CLEC12A: variants seen among roughly 807,000 people sequenced by gnomAD.
The protein encoded by CLEC12A is C-type lectin protein CLL-1.
A neutral mutation model predicts 26.5 loss-of-function variants in CLEC12A; 22 were observed. The ratio of observed to expected loss-of-function variants is 0.83; its 90% CI spans 0.59 to 1.19. The LOEUF is 1.19. Among genes scored for constraint, CLEC12A ranks in the 50% most tolerant of loss-of-function variants. The pLI, the probability that CLEC12A is intolerant of heterozygous loss-of-function variation, is 0.00. For synonymous variants in CLEC12A, 119 were observed against 101.9 expected, an observed-to-expected ratio of 1.17 and a Z score of -1.01; for missense variants, 353 against 315.6, an observed-to-expected ratio of 1.12 and a Z score of -0.90.
At position 9,971,623 on chromosome 12, in the gene CLEC12A, T is replaced by G. The variant is rs138435606; in HGVS notation, c.27T>G (p.Asp9Glu). Residue 9 changes from aspartate to glutamate, a missense_variant, in exon 1 of 6, where the codon GAT becomes GAG. Coordinates refer to ENST00000304361, the MANE Select transcript of CLEC12A (RefSeq NM_138337.6). Reference sequence around the variant, plus strand: ...TGTCTGAAGAAGTTACTTATGCAGATCTTCAATTCCAGAACTCCAGTGAGA... The same window carrying G: ...TGTCTGAAGAAGTTACTTATGCAGAGCTTCAATTCCAGAACTCCAGTGAGA... MSEEVTYA[D>E]LQFQNSSEME... 178 of 1,609,652 alleles carry G rather than the reference T, an allele frequency of 1.1e-4. No individual in the cohort carries two copies. The African/African-American group carries it at 2.1e-3, about 19-fold the overall frequency.
chr12:9,957,502 A>C (rs1350835049), intron 1 of CLEC12A, among the ~76,000 whole-genome samples: 9 of 151,908 alleles, frequency 5.9e-5, no homozygotes, highest in Admixed American at 4.6e-4. Context: ...AAAAAAAAAA[A>C]AACAAAAAAA....
At chr12:9,953,181 TGG>T (rs562338874) in intron 1 of CLEC12A, 2 of 82,164 alleles carry the variant, frequency 2.4e-5, no homozygotes, top group African/African-American at 1.0e-4. Flanking sequence ...GGGAGGGAGG[TGG>T]GGGGGTCAGC....
At chr12:9,969,216 A>T (rs1158582922), upstream of CLEC12A, among the ~76,000 whole-genome samples, 1 of 152,210 alleles carries the variant, frequency 6.6e-6, no homozygotes, top group Non-Finnish European at 1.5e-5. Flanking sequence ...AATTTATTGT[A>T]TATTTCAAAA....
At chr12:9,962,923 G>T (rs1308530477) in intron 1 of CLEC12A, among the ~76,000 whole-genome samples, 3 of 152,120 alleles carry the variant, frequency 2.0e-5, no homozygotes, top group Admixed American at 6.6e-5. Context: ...TTGGGGGCTT[G>T]GTATGGAGAG....
chr12:9,987,042 A>G (rs1163239367), downstream of CLEC12A, among the ~76,000 whole-genome samples: 1 of 152,240 alleles, frequency 6.6e-6, no homozygotes, highest in Non-Finnish European at 1.5e-5. Flanking sequence ...AAAGAGAAAT[A>G]TAAATTTGCT....
At chr12:10,003,457 A>T in the CLEC12A span, among the ~76,000 whole-genome samples, 2 of 152,238 alleles carry the variant, frequency 1.3e-5, no homozygotes, top group Admixed American at 1.3e-4. Context: ...TGTAAGTAAA[A>T]TGTTAAACAA....
At chr12:9,990,050 C>A (rs1013708699), downstream of CLEC12A, among the ~76,000 whole-genome samples, 7 of 151,928 alleles carry the variant, frequency 4.6e-5, no homozygotes, top group South Asian at 2.1e-4. Context: ...AAAAAAAGGT[C>A]TTTTTTTCAA....
At chr12:10,002,656 A>G in the CLEC12A span, among the ~76,000 whole-genome samples, 2 of 151,836 alleles carry the variant, frequency 1.3e-5, no homozygotes, top group African/African-American at 2.4e-5. Flanking sequence ...GTTAGCCAGG[A>G]TGATCTCGAT....
chr12:9,952,090 GA>G (rs71049019), intron 1 of CLEC12A: 32 of 94,092 alleles, frequency 3.4e-4, no homozygotes, highest in South Asian at 4.0e-4. Context: ...CTGTCTCAAG[GA>G]AAAAAAAAAA....
At chr12:9,991,166 T>G (rs1053370231) in intron 4 of CLEC12A, 3 of 152,158 alleles carry the variant, frequency 2.0e-5, no homozygotes, top group Non-Finnish European at 4.4e-5. Flanking sequence ...AAGTTAGTTT[T>G]AAATTGAAGA....
At chr12:10,003,470 A>C in the CLEC12A span, among the ~76,000 whole-genome samples, 3 of 152,246 alleles carry the variant, frequency 2.0e-5, no homozygotes, top group Admixed American at 2.0e-4. Flanking sequence ...TTAAACAATA[A>C]ATAACAATGA....
chr12:9,952,338 A>G (rs1260326813), intron 1 of CLEC12A, among the ~76,000 whole-genome samples: 38 of 145,650 alleles, frequency 2.6e-4, no homozygotes, highest in East Asian at 1.9e-3. Context: ...GGCACGCACC[A>G]CCACGCCTGA....
intron 4 of CLEC12A, chr12:9,993,305 G>A: frequency 6.5e-7 from 1 of 1,546,424 alleles, no homozygotes; most frequent in South Asian, 1.1e-5. Flanking sequence ...GGGAAAGTTA[G>A]AATAAATTCC....
chr12:9,967,252 G>C (rs1259152657), upstream of CLEC12A, among the ~76,000 whole-genome samples: 1 of 148,526 alleles, frequency 6.7e-6, no homozygotes, highest in Non-Finnish European at 1.5e-5. Context: ...GAAGATTTGG[G>C]ATGAGTTGCA....
chr12:9,995,097 A>G (rs761023532), exon 5 of CLEC12A: 11 of 1,607,024 alleles, frequency 6.8e-6, no homozygotes, highest in Admixed American at 3.3e-5. Context: ...CAAGAATAAG[A>G]GTTTCCAGTA....
At chr12:10,001,804 A>G in the CLEC12A span, among the ~76,000 whole-genome samples, 1 of 152,040 alleles carries the variant, frequency 6.6e-6, no homozygotes, top group East Asian at 1.9e-4. Flanking sequence ...TTCTGCTTCA[A>G]TATTTTAACC....
In CLEC12A at chr12:9,971,661, C is replaced by T. The variant is rs1416061009; in HGVS notation, c.65C>T (p.Pro22Leu). ...AACTCCAGTGAGATGGAAAAAATCCCAGAAATTGGCAAATTTGGGGAAAAA... is the reference window on the plus strand; with the variant it reads ...AACTCCAGTGAGATGGAAAAAATCCTAGAAATTGGCAAATTTGGGGAAAAA... Reference protein sequence around the residue: ...FQNSSEMEKIPEIGKFGEKAP... With the variant: ...FQNSSEMEKILEIGKFGEKAP... Residue 22 changes from proline to leucine, a missense_variant, in exon 1 of 6, where the codon CCA (proline) becomes CTA (leucine). Transcript: ENST00000304361. 6.2e-7 allele frequency: 1 copy of T among 1,609,712 alleles called. No individual in the cohort carries two copies. Among genetic ancestry groups the T allele is most frequent in the East Asian group, 2.2e-5 (1 of 44,592 alleles).
At chr12:9,968,655 C>T (rs1864026047), upstream of CLEC12A, among the ~76,000 whole-genome samples, 1 of 152,134 alleles carries the variant, frequency 6.6e-6, no homozygotes, top group Non-Finnish European at 1.5e-5. Flanking sequence ...TATACACAGG[C>T]ATATGATGGC....
intron 1 of CLEC12A, among the ~76,000 whole-genome samples, chr12:9,963,118 AAAACT>A (rs1863867495): frequency 1.3e-5 from 2 of 152,282 alleles, no homozygotes; most frequent in South Asian, 4.2e-4. Flanking sequence ...TATGAATTGA[AAAACT>A]AAACAGAATA....
Sources: allele counts gnomAD v4.1 joint callset (sites outside exome capture counted in the v4.1 genomes callset), GRCh38; gene constraint gnomAD v4.1.1; transcripts MANE v1.5; gene names NCBI Gene and HGNC (gene_info 2026-07-23, HGNC 2026-07-21).